Variants in ASTN1 observed in about 807,000 individuals in gnomAD.
ASTN1 encodes the protein astrotactin-1.
ASTN1 carries 41 observed loss-of-function variants against 140.7 expected under a neutral mutation model. The ratio of observed to expected loss-of-function variants is 0.29; its 90% confidence interval spans 0.23 to 0.38. The LOEUF (loss-of-function observed/expected upper bound fraction) is 0.38. Ranked by LOEUF, ASTN1 falls within the 10% of genes least tolerant of loss-of-function variation. The probability of loss-of-function intolerance (pLI) is 1.00; values close to 1 mark genes in which losing one functional copy is unlikely to be tolerated. For synonymous variants in ASTN1, 640 were observed against 652.2 expected (o/e 0.98, Z 0.29); for missense variants, 1,479 against 1,678.8 (o/e 0.88, Z 2.08).
Position 176,943,207 on chromosome 1 carries a change from C to T in ASTN1, c.2377+684G>A, listed in dbSNP as rs184275554. Among the ~76,000 whole-genome samples, 733 of 152,026 alleles carry T rather than the reference C, an allele frequency of 4.8e-3. 7 individuals carry two copies. The highest frequency in any genetic ancestry group is 0.01 in the Middle Eastern group (3 of 294). ...ACACCTTGAAGTCTCTTCCTTGGTCCGGGAGGTGCCAGCTGGGGGTCTTCA... is the reference window on the plus strand; with the variant it reads ...ACACCTTGAAGTCTCTTCCTTGGTCTGGGAGGTGCCAGCTGGGGGTCTTCA... On this transcript the variant is annotated intron_variant, in intron 14 of 22. Coordinates refer to ENST00000361833, the MANE Select transcript of ASTN1 (RefSeq NM_004319.3).
chr1:177,118,156 A>G (rs1284156770), intron 1 of ASTN1, among the ~76,000 whole-genome samples: 1 of 152,208 alleles, frequency 6.6e-6, no homozygotes, highest in South Asian at 2.1e-4. Flanking sequence ...TTCCCACCAC[A>G]GTACCTTCAA....
At chr1:176,979,621 T>C (rs995261845) in intron 8 of ASTN1, among the ~76,000 whole-genome samples, 5 of 152,206 alleles carry the variant, frequency 3.3e-5, no homozygotes, top group African/African-American at 9.7e-5. Flanking sequence ...GCAGGGACCC[T>C]GTGAGCCTTC....
intron 1 of ASTN1, among the ~76,000 whole-genome samples, chr1:177,122,608 C>G (rs1056079385): frequency 6.6e-6 from 1 of 152,154 alleles, no homozygotes; most frequent in Non-Finnish European, 1.5e-5. Context: ...AAGACTAGGG[C>G]GACAGTCCCG....
chr1:177,061,789 A>G (rs1678108283), intron 1 of ASTN1, among the ~76,000 whole-genome samples: 1 of 152,240 alleles, frequency 6.6e-6, no homozygotes, highest in Non-Finnish European at 1.5e-5. Context: ...TTCTAAAACC[A>G]CAATCACTTG....
At chr1:176,936,410 T>A (rs1009945581) in intron 14 of ASTN1, 40 bp from the exon 15 acceptor site, 1 of 1,525,932 alleles carries the variant, frequency 6.6e-7, no homozygotes, top group Non-Finnish European at 9.0e-7. Flanking sequence ...CTGATACTGA[T>A]TCATAAGTTC....
At chr1:177,043,071 A>T (rs1677054562) in intron 2 of ASTN1, among the ~76,000 whole-genome samples, 1 of 152,252 alleles carries the variant, frequency 6.6e-6, no homozygotes, top group Non-Finnish European at 1.5e-5. Flanking sequence ...ATTTTGACAC[A>T]GGCAGCAAAA....
At chr1:176,994,111 G>A (rs867603320) in intron 8 of ASTN1, among the ~76,000 whole-genome samples, 39 of 85,688 alleles carry the variant, frequency 4.6e-4, no homozygotes, top group Middle Eastern at 6.7e-3. Flanking sequence ...CACCCCCCCC[G>A]CCACCCACCA....
At chr1:176,884,015 T>A (rs573338016) in intron 19 of ASTN1, among the ~76,000 whole-genome samples, 8 of 152,222 alleles carry the variant, frequency 5.3e-5, no homozygotes, top group Non-Finnish European at 1.2e-4. Context: ...TGGGCTAGGA[T>A]AACTAGTGTA....
chr1:177,070,387 G>A (rs957931132), intron 1 of ASTN1, among the ~76,000 whole-genome samples: 8 of 152,174 alleles, frequency 5.3e-5, no homozygotes, highest in South Asian at 4.1e-4. Context: ...TTTCAGTAAG[G>A]TCCTCTCTAT....
At chr1:177,016,309 T>C (rs1675542417) in intron 7 of ASTN1, among the ~76,000 whole-genome samples, 1 of 120,516 alleles carries the variant, frequency 8.3e-6, no homozygotes, top group Non-Finnish European at 1.8e-5. Context: ...AACCTCTTCA[T>C]TTGTAAAAAA....
chr1:177,020,422 T>A (rs763140142), intron 7 of ASTN1, among the ~76,000 whole-genome samples: 15 of 152,178 alleles, frequency 9.9e-5, no homozygotes, highest in Non-Finnish European at 1.8e-4. Context: ...TGACATTCCT[T>A]GGCTCATGCC....
intron 1 of ASTN1, among the ~76,000 whole-genome samples, chr1:177,137,000 C>A (rs955758936): frequency 1.3e-5 from 2 of 152,152 alleles, no homozygotes; most frequent in African/African-American, 4.8e-5. Flanking sequence ...TTGGCCTCTA[C>A]CCACTGGATG....
At chr1:177,037,890 C>G (rs1380668018) in intron 2 of ASTN1, among the ~76,000 whole-genome samples, 1 of 152,092 alleles carries the variant, frequency 6.6e-6, no homozygotes, top group Non-Finnish European at 1.5e-5. Flanking sequence ...TTTCTACTGG[C>G]TGTAATAGAT....
At chr1:176,951,844 A>T (rs1164266413) in intron 11 of ASTN1, among the ~76,000 whole-genome samples, 3 of 152,238 alleles carry the variant, frequency 2.0e-5, no homozygotes, top group African/African-American at 4.8e-5. Flanking sequence ...ATTAATAGCT[A>T]TCAGAAATTA....
chr1:176,972,322 G>A (rs986780734), intron 8 of ASTN1, among the ~76,000 whole-genome samples: 16 of 152,184 alleles, frequency 1.1e-4, no homozygotes, highest in African/African-American at 3.4e-4. Flanking sequence ...TGAGGTTAGC[G>A]GTCAGGGATA....
chr1:177,117,612 C>T (rs1263956531), intron 1 of ASTN1, among the ~76,000 whole-genome samples: 1 of 152,136 alleles, frequency 6.6e-6, no homozygotes, highest in African/African-American at 2.4e-5. Flanking sequence ...GCTCACTTCC[C>T]ACCCACCCCC....
chr1:176,886,085 C>A (rs1461639763), intron 18 of ASTN1, among the ~76,000 whole-genome samples: 1 of 151,980 alleles, frequency 6.6e-6, no homozygotes, highest in Non-Finnish European at 1.5e-5. Flanking sequence ...TCTGAGAACA[C>A]AAATTCTGTG....
At chr1:177,050,380 C>T (rs925315248) in intron 2 of ASTN1, among the ~76,000 whole-genome samples, 11 of 152,172 alleles carry the variant, frequency 7.2e-5, no homozygotes, top group Non-Finnish European at 1.5e-4. Context: ...GCCCCAGATA[C>T]GATTCTGTGA....
chr1:176,918,860 T>A (rs1670606143), intron 16 of ASTN1, among the ~76,000 whole-genome samples: 1 of 152,114 alleles, frequency 6.6e-6, no homozygotes, highest in South Asian at 2.1e-4. Context: ...CTTCCCAGCC[T>A]CCAGCCAGGC....
Sources: gnomAD v4.1 joint callset for allele counts (sites outside exome capture counted in the v4.1 genomes callset) on GRCh38, gnomAD v4.1.1 for gene constraint, MANE v1.5 for transcripts, NCBI Gene and HGNC (gene_info 2026-07-23, HGNC 2026-07-21) for gene names.